ATP8A2: variants seen among roughly 807,000 people sequenced by gnomAD.
ATP8A2 encodes phospholipid-transporting ATPase IB.
Under a neutral mutation model 165.6 loss-of-function variants are expected in ATP8A2, and 100 were observed. The observed-to-expected ratio is 0.60, with a 90% confidence interval of 0.51 to 0.71. ATP8A2 has a LOEUF of 0.71. Ranked by LOEUF, ATP8A2 falls within the 30% of genes least tolerant of loss-of-function variation. The pLI is 0.00. For missense variants in ATP8A2, 1,227 were observed against 1,479.5 expected, an observed-to-expected ratio of 0.83 and a Z score of 2.80; for synonymous variants, 543 against 548.8, an observed-to-expected ratio of 0.99 and a Z score of 0.15.
At chr13:25,630,905 G>C (rs2041225625) in intron 24 of ATP8A2, among the ~76,000 whole-genome samples, 1 of 152,048 alleles carries the variant, frequency 6.6e-6, no homozygotes, top group African/African-American at 2.4e-5. Context: ...ACTACTTCTG[G>C]GACTGACTGG....
intron 24 of ATP8A2, among the ~76,000 whole-genome samples, chr13:25,666,405 G>GTA (rs1454677304): frequency 3.2e-4 from 49 of 150,942 alleles, no homozygotes; most frequent in African/African-American, 9.9e-4. Context: ...GTATGTATGT[G>GTA]TATATATATA....
chr13:25,373,436 G>A (rs1375896076), intron 1 of ATP8A2, among the ~76,000 whole-genome samples: 2 of 152,128 alleles, frequency 1.3e-5, no homozygotes, highest in African/African-American at 4.8e-5. Context: ...GGGGTCACGG[G>A]GTGCAGGGTC....
At chr13:25,852,599 T>G (rs1042814082) in intron 30 of ATP8A2, among the ~76,000 whole-genome samples, 5 of 152,274 alleles carry the variant, frequency 3.3e-5, no homozygotes, top group African/African-American at 1.2e-4. Flanking sequence ...TCTAATTGTT[T>G]TTTTCTTTGA....
intron 33 of ATP8A2, among the ~76,000 whole-genome samples, chr13:25,910,784 TA>T (rs1008801023): frequency 7.2e-5 from 11 of 152,172 alleles, no homozygotes; most frequent in Admixed American, 2.0e-4. Flanking sequence ...GAGCTTATAA[TA>T]AAGAATTGTG....
rs2044131155 is a variant in ATP8A2 at position 25,750,518 on chromosome 13, C to G, written c.2385-18528C>G. ...TGCTTCCATGTTGCTCTGCCCGGCTCCCATTCCGAAGGCCGGTGGTTTCAG... is the reference window on the plus strand; with the variant it reads ...TGCTTCCATGTTGCTCTGCCCGGCTGCCATTCCGAAGGCCGGTGGTTTCAG... On this transcript the variant is annotated intron_variant, in intron 25 of 36. Transcript: ENST00000381655. This position sits in a 1 kb window ranked among gnomAD's most constrained non-coding sequence, Gnocchi z 4.3. Among the ~76,000 whole-genome samples the G allele has an allele frequency of 6.6e-6, 1 of 152,128 alleles. No individual in the cohort carries two copies. Among genetic ancestry groups the G allele is most frequent in the Non-Finnish European group, 1.5e-5 (1 of 68,030 alleles).
intron 24 of ATP8A2, among the ~76,000 whole-genome samples, chr13:25,683,690 CTTTT>C (rs574979200): frequency 1.4e-5 from 2 of 142,786 alleles, no homozygotes; most frequent in Admixed American, 7.0e-5. Flanking sequence ...CCATCATTTC[CTTTT>C]TTTTTTTTTT....
rs74522490 is a variant in ATP8A2 at position 25,943,225 on chromosome 13, G to A, written c.3184-18350G>A. Among the ~76,000 whole-genome samples, 17 of 152,248 alleles carry A rather than the reference G, an allele frequency of 1.1e-4. No homozygotes were observed. In the East Asian group the frequency reaches 3.3e-3, roughly 29 times the overall value. ...CTCCAGGATAGTTCAGCCGTTGCAA[G>A]CTTGAAATCCCTGGAGAACTGCTAT... On this transcript the variant is annotated intron_variant, in intron 33 of 36. Transcript: ENST00000381655.
At chr13:25,737,450 C>T (rs2043796379) in intron 25 of ATP8A2, among the ~76,000 whole-genome samples, 1 of 152,096 alleles carries the variant, frequency 6.6e-6, no homozygotes, top group South Asian at 2.1e-4. Context: ...CAGGTAAAAG[C>T]CACCCTTATA....
At chr13:25,570,404 C>T (rs1222777621) in intron 16 of ATP8A2, among the ~76,000 whole-genome samples, 1 of 151,916 alleles carries the variant, frequency 6.6e-6, no homozygotes, top group Non-Finnish European at 1.5e-5. Context: ...GAAGTGCAAG[C>T]ATGTGGGGAG....
At chr13:25,889,705 T>C (rs1481058399) in intron 33 of ATP8A2, among the ~76,000 whole-genome samples, 1 of 152,078 alleles carries the variant, frequency 6.6e-6, no homozygotes, top group Non-Finnish European at 1.5e-5. Flanking sequence ...ATTCTTGCTG[T>C]TTTTTGCTTC....
chr13:26,002,879 TG>T, intron 35 of ATP8A2, among the ~76,000 whole-genome samples: 1 of 151,574 alleles, frequency 6.6e-6, no homozygotes, highest in African/African-American at 2.4e-5. Context: ...TGTGTGTGTG[TG>T]TGTGTGTGTG....
At chr13:25,417,024 A>C (rs1223204772) in intron 1 of ATP8A2, among the ~76,000 whole-genome samples, 1 of 151,676 alleles carries the variant, frequency 6.6e-6, no homozygotes, top group Non-Finnish European at 1.5e-5. Flanking sequence ...AACTTGGGCT[A>C]TCTCGGGGGG....
chr13:25,852,774 C>T (rs534364508), intron 30 of ATP8A2, among the ~76,000 whole-genome samples: 3 of 151,984 alleles, frequency 2.0e-5, no homozygotes, highest in South Asian at 2.1e-4. Context: ...GTCAGGAGTT[C>T]GCGGCCAGCC....
intron 24 of ATP8A2, among the ~76,000 whole-genome samples, chr13:25,684,467 C>A (rs2042560138): frequency 1.3e-5 from 2 of 152,142 alleles, no homozygotes; most frequent in South Asian, 4.1e-4. Context: ...CTCTGCTCGG[C>A]CTCCATGGAA....
At chr13:25,748,705 A>G (rs1164372591) in intron 25 of ATP8A2, among the ~76,000 whole-genome samples, 2 of 152,218 alleles carry the variant, frequency 1.3e-5, no homozygotes, top group Non-Finnish European at 2.9e-5. Context: ...TTCATCAACT[A>G]AAATGCTTTT....
At chr13:26,015,668 TC>T (rs1448143568) in intron 36 of ATP8A2, among the ~76,000 whole-genome samples, 2 of 152,054 alleles carry the variant, frequency 1.3e-5, no homozygotes, top group Non-Finnish European at 2.9e-5. Context: ...AAGAAATCCG[TC>T]TTTCCTCCCA....
chr13:25,682,438 T>A (rs991818653), intron 24 of ATP8A2, among the ~76,000 whole-genome samples: 1 of 152,188 alleles, frequency 6.6e-6, no homozygotes, highest in Non-Finnish European at 1.5e-5. Flanking sequence ...TCTTAGTTGG[T>A]GCATTGCTTT....
intron 33 of ATP8A2, chr13:25,927,099 C>T: frequency 2.2e-6 from 1 of 455,974 alleles, no homozygotes; most frequent in Non-Finnish European, 4.4e-6. Context: ...CACCTTCTTC[C>T]CTTTCCTGTA....
Position 25,656,750 on chromosome 13 carries a change from A to G in ATP8A2, c.2212-42423A>G, listed in dbSNP as rs546534464. The stretch of plus-strand genomic sequence containing the variant: ...AGTGAGACTCTGTCTCAAAAAAAAA[A>G]AAAAAAGATATATTTTCTTCAGCTG... On this transcript the variant is annotated intron_variant, in intron 24 of 36. Transcript: ENST00000381655. Among the ~76,000 whole-genome samples the G allele has an allele frequency of 1.2e-4, 18 of 151,578 alleles. No individual in the cohort carries two copies. The South Asian group carries it at 2.9e-3, about 25-fold the overall frequency.
Sources: allele counts gnomAD v4.1 joint callset (sites outside exome capture counted in the v4.1 genomes callset), GRCh38; gene constraint gnomAD v4.1.1; non-coding constraint Gnocchi (gnomAD v3.1); transcripts MANE v1.5; gene names NCBI Gene and HGNC (gene_info 2026-07-23, HGNC 2026-07-21).